STK3: variants seen among roughly 807,000 people sequenced by gnomAD.
STK3 encodes the protein serine/threonine-protein kinase 3.
STK3 carries 41 observed loss-of-function variants against 58.0 expected under a neutral mutation model. The ratio of observed to expected loss-of-function variants is 0.71; its 90% confidence interval spans 0.55 to 0.92. The LOEUF is 0.92. Among genes scored for constraint, STK3 ranks in the 40% least tolerant of loss-of-function variants. STK3 has a pLI of 0.00. For missense variants in STK3, 479 were observed against 602.7 expected, an observed-to-expected ratio of 0.79 and a Z score of 2.15; for synonymous variants, 170 against 191.0, an observed-to-expected ratio of 0.89 and a Z score of 0.91.
chr8:98,926,702 A>G lies in STK3; in HGVS notation c.-79+15676T>C, dbSNP rs80121800. 2.6e-5 allele frequency among the ~76,000 whole-genome samples: 4 copies of G among 152,368 alleles called. No individual in the cohort carries two copies. The East Asian group carries it at 7.7e-4, about 29-fold the overall frequency. On this transcript the variant is annotated intron_variant, in intron 1 of 1. Coordinates refer to the STK3 transcript ENST00000519420. ...GTTGTAAAATTAAGGCCGTTAAGAA[A>G]TAAGGCATAGCCAGATCTTCTTAAA...
chr8:98,524,141 C>A (rs994169974), intron 10 of STK3, among the ~76,000 whole-genome samples: 1 of 152,320 alleles, frequency 6.6e-6, no homozygotes, highest in South Asian at 2.1e-4. Flanking sequence ...GTCTTGGCAT[C>A]CTTGCCGAAA....
chr8:98,517,133 T>G (rs2131433440), intron 10 of STK3, among the ~76,000 whole-genome samples: 1 of 152,200 alleles, frequency 6.6e-6, no homozygotes, highest in East Asian at 1.9e-4. Flanking sequence ...TTTTCCAAAA[T>G]ACTTTCATCT....
intron 8 of STK3, among the ~76,000 whole-genome samples, chr8:98,569,563 A>G (rs1001726255): frequency 6.6e-6 from 1 of 152,142 alleles, no homozygotes; most frequent in Non-Finnish European, 1.5e-5. Flanking sequence ...AGAGTTTGGG[A>G]ATATAGCATT....
chr8:98,576,210 A>C (rs541927698), intron 8 of STK3, among the ~76,000 whole-genome samples: 2 of 152,328 alleles, frequency 1.3e-5, no homozygotes, highest in Admixed American at 1.3e-4. Flanking sequence ...AGTTGGCCAT[A>C]GATTTATGGG....
At chr8:98,552,415 A>AT (rs1345586251) in intron 8 of STK3, among the ~76,000 whole-genome samples, 1 of 151,994 alleles carries the variant, frequency 6.6e-6, no homozygotes, top group Admixed American at 6.6e-5. Context: ...GGCCTATCCC[A>AT]TCTAGTAATA....
chr8:98,731,606 C>T (rs1828210438), intron 4 of STK3, among the ~76,000 whole-genome samples: 1 of 151,878 alleles, frequency 6.6e-6, no homozygotes, highest in Admixed American at 6.6e-5. Context: ...GCCTGTAGTC[C>T]CAGCTACTCG....
intron 6 of STK3, among the ~76,000 whole-genome samples, chr8:98,648,643 T>C (rs1293290230): frequency 3.3e-5 from 5 of 152,118 alleles, no homozygotes; most frequent in Non-Finnish European, 5.9e-5. Context: ...CTGTAATCCC[T>C]GTACTTCGGG....
At chr8:98,435,536 G>A (rs1334657029) in intron 2 of STK3, among the ~76,000 whole-genome samples, 4 of 152,040 alleles carry the variant, frequency 2.6e-5, no homozygotes, top group African/African-American at 7.2e-5. Flanking sequence ...TTGAGGTCAC[G>A]GTCACAGTAT....
the STK3 span, among the ~76,000 whole-genome samples, chr8:98,345,732 A>G: frequency 6.6e-6 from 1 of 152,090 alleles, no homozygotes; most frequent in Non-Finnish European, 1.5e-5. Context: ...AGATGTTGGA[A>G]TTAGCAGAAC....
intron 10 of STK3, among the ~76,000 whole-genome samples, chr8:98,472,475 A>G (rs1270692049): frequency 6.6e-6 from 1 of 152,188 alleles, no homozygotes; most frequent in Non-Finnish European, 1.5e-5. Context: ...AAATCATAAT[A>G]TATTTTACAG....
chr8:98,498,293 G>A (rs575694460), intron 10 of STK3, among the ~76,000 whole-genome samples: 4 of 152,136 alleles, frequency 2.6e-5, no homozygotes, highest in Non-Finnish European at 4.4e-5. Flanking sequence ...GGTGGGTGTC[G>A]GATGGTGCTG....
intron 1 of STK3, among the ~76,000 whole-genome samples, chr8:98,442,361 T>C (rs974696751): frequency 6.6e-6 from 1 of 152,262 alleles, no homozygotes. Flanking sequence ...TGGGCCATAG[T>C]CCAATCATCT....
chr8:98,830,453 T>C (rs1835484013), upstream of STK3, among the ~76,000 whole-genome samples: 1 of 152,040 alleles, frequency 6.6e-6, no homozygotes, highest in Non-Finnish European at 1.5e-5. Flanking sequence ...TGTTACTCAA[T>C]AAAGGAATTG....
intron 1 of STK3, among the ~76,000 whole-genome samples, chr8:98,932,471 T>G (rs1395665069): frequency 6.6e-6 from 1 of 152,136 alleles, no homozygotes; most frequent in Non-Finnish European, 1.5e-5. Flanking sequence ...CCAGGTTTAG[T>G]AGATAAACAC....
At chr8:98,718,465 C>T (rs1279567614) in intron 4 of STK3, among the ~76,000 whole-genome samples, 2 of 152,142 alleles carry the variant, frequency 1.3e-5, no homozygotes, top group Non-Finnish European at 2.9e-5. Flanking sequence ...ACTAGATGGT[C>T]TGACTTGACA....
chr8:98,373,044 T>C (rs7829024), intron 2 of STK3, among the ~76,000 whole-genome samples: 93,935 of 151,814 alleles, frequency 0.62, 29,738 homozygotes, highest in Non-Finnish European at 0.67. Flanking sequence ...ATTAAAGCAC[T>C]GTAGGAGGGG....
intron 4 of STK3, among the ~76,000 whole-genome samples, chr8:98,729,074 C>T (rs1000428894): frequency 6.6e-6 from 1 of 152,058 alleles, no homozygotes; most frequent in Non-Finnish European, 1.5e-5. Context: ...ATAGCCACTG[C>T]TTGACTCTTT....
chr8:98,910,828 C>A (rs1021683987), intron 1 of STK3, among the ~76,000 whole-genome samples: 1 of 152,194 alleles, frequency 6.6e-6, no homozygotes. Flanking sequence ...AGGTGTTAAA[C>A]ATGTCCCTCC....
chr8:98,630,952 T>C (rs185422333), intron 6 of STK3, among the ~76,000 whole-genome samples: 2 of 152,228 alleles, frequency 1.3e-5, no homozygotes, highest in East Asian at 3.9e-4. Flanking sequence ...ACTATAAATA[T>C]GTTTAACATC....
Sources: allele counts gnomAD v4.1 joint callset (sites outside exome capture counted in the v4.1 genomes callset), GRCh38; gene constraint gnomAD v4.1.1; transcripts MANE v1.5; gene names NCBI Gene and HGNC (gene_info 2026-07-23, HGNC 2026-07-21).